Variants in ATRNL1 observed in about 807,000 individuals in gnomAD.
ATRNL1 encodes the protein attractin-like protein 1.
In ATRNL1, 95 loss-of-function variants were observed where a neutral mutation model predicts 182.7. The ratio of observed to expected loss-of-function variants is 0.52; its 90% CI spans 0.44 to 0.62. ATRNL1 has a LOEUF of 0.62. Among genes scored for constraint, ATRNL1 ranks in the 20% least tolerant of loss-of-function variants. The probability of loss-of-function intolerance (pLI) is 0.00; values close to 1 mark genes in which losing one functional copy is unlikely to be tolerated. For synonymous variants in ATRNL1, 576 were observed against 568.3 expected (o/e 1.01, Z -0.19); for missense variants, 1,471 against 1,679.5 (o/e 0.88, Z 2.17).
At chr10:115,639,905 T>A (rs1197138248) in intron 26 of ATRNL1, among the ~76,000 whole-genome samples, 1 of 152,116 alleles carries the variant, frequency 6.6e-6, no homozygotes, top group East Asian at 1.9e-4. Flanking sequence ...GTTGCGCCCA[T>A]CAACCGTCAT....
At chr10:115,249,487 T>C (rs1332801450) in intron 10 of ATRNL1, among the ~76,000 whole-genome samples, 2 of 152,020 alleles carry the variant, frequency 1.3e-5, no homozygotes, top group Non-Finnish European at 2.9e-5. Context: ...TCAGCTTGAG[T>C]TTTTAATGTA....
chr10:115,536,526 T>A, intron 25 of ATRNL1, among the ~76,000 whole-genome samples: 1 of 152,224 alleles, frequency 6.6e-6, no homozygotes, highest in East Asian at 1.9e-4. Flanking sequence ...CCCCTTTCTT[T>A]GACTAGGTAA....
intron 8 of ATRNL1, among the ~76,000 whole-genome samples, chr10:115,178,397 G>A (rs925733369): frequency 3.3e-5 from 5 of 152,266 alleles, no homozygotes; most frequent in Middle Eastern, 3.4e-3. Flanking sequence ...TTGTCACAGA[G>A]TGGAAGTGGC....
At chr10:115,352,750 A>C (rs1226082613) in intron 19 of ATRNL1, among the ~76,000 whole-genome samples, 1 of 152,150 alleles carries the variant, frequency 6.6e-6, no homozygotes, top group Non-Finnish European at 1.5e-5. Context: ...ATACAAAAAA[A>C]TTAGCTGAGG....
At chr10:115,806,992 A>G (rs1216100036) in intron 27 of ATRNL1, among the ~76,000 whole-genome samples, 1 of 152,126 alleles carries the variant, frequency 6.6e-6, no homozygotes, top group Non-Finnish European at 1.5e-5. Context: ...GTCAAATCTT[A>G]AGGTGACAAA....
At chr10:115,097,376 C>T (rs541589094) in intron 1 of ATRNL1, among the ~76,000 whole-genome samples, 1 of 152,158 alleles carries the variant, frequency 6.6e-6, no homozygotes, top group African/African-American at 2.4e-5. Context: ...GTCACAGCTA[C>T]AAGAGAGAGT....
chr10:115,550,237 G>GT (rs1852889062), intron 26 of ATRNL1, among the ~76,000 whole-genome samples: 1 of 151,492 alleles, frequency 6.6e-6, no homozygotes, highest in Admixed American at 6.6e-5. Context: ...ACTAGTTTCT[G>GT]TTTTTATCAG....
chr10:115,622,141 C>T (rs1214465340), intron 26 of ATRNL1, among the ~76,000 whole-genome samples: 1 of 152,064 alleles, frequency 6.6e-6, no homozygotes, highest in South Asian at 2.1e-4. Flanking sequence ...AGAGAGTCTC[C>T]GAAGACACTG....
chr10:115,324,882 G>A (rs1332809103), intron 18 of ATRNL1, among the ~76,000 whole-genome samples: 1 of 152,084 alleles, frequency 6.6e-6, no homozygotes, highest in Non-Finnish European at 1.5e-5. Flanking sequence ...TTGGTCGCTA[G>A]CTCAAATTTA....
chr10:115,405,965 A>C (rs1474354771), intron 20 of ATRNL1, among the ~76,000 whole-genome samples: 1 of 151,392 alleles, frequency 6.6e-6, no homozygotes, highest in African/African-American at 2.4e-5. Flanking sequence ...TCCTTGCAAT[A>C]GTTTGCTGAG....
chr10:115,208,403 A>G (rs1554894292), intron 8 of ATRNL1, among the ~76,000 whole-genome samples: 2 of 152,052 alleles, frequency 1.3e-5, no homozygotes, highest in Admixed American at 6.6e-5. Context: ...TTAGGCATGT[A>G]TATTTTAAAC....
At chr10:115,121,907 G>T in intron 3 of ATRNL1, 95 bp downstream of exon 3, 2 of 534,798 alleles carry the variant, frequency 3.7e-6, no homozygotes, top group Non-Finnish European at 6.6e-6. Context: ...ATTTAGTAAA[G>T]ATATTGATAG....
At chr10:115,293,194 T>G (rs1424801707) in intron 15 of ATRNL1, among the ~76,000 whole-genome samples, 1 of 152,128 alleles carries the variant, frequency 6.6e-6, no homozygotes, top group Non-Finnish European at 1.5e-5. Context: ...TGCTTTCTGT[T>G]TGCATGGAAT....
At chr10:115,721,100 T>G (rs1555057643) in intron 26 of ATRNL1, among the ~76,000 whole-genome samples, 1 of 152,116 alleles carries the variant, frequency 6.6e-6, no homozygotes. Flanking sequence ...CCTTTAGAGG[T>G]CTGTGATCTG....
At chr10:115,369,868 A>T (rs1857296944) in intron 19 of ATRNL1, among the ~76,000 whole-genome samples, 1 of 152,134 alleles carries the variant, frequency 6.6e-6, no homozygotes, top group South Asian at 2.1e-4. Context: ...ACCATTTTTT[A>T]ATCTTTTGAG....
chr10:115,127,670 AT>A lies in ATRNL1; in HGVS notation c.576del (p.Phe192LeufsTer8), dbSNP rs1554873914. 5 of 1,578,974 alleles carry A rather than the reference AT, an allele frequency of 3.2e-6. No individual in the cohort carries two copies. The highest frequency in any genetic ancestry group is 4.6e-5 in the East Asian group (2 of 43,354). ...ACTACATCTGGCTATGCACTGTTAC[AT>A]TTTTTTAGTGATGCTGCGTATAATC... ...VVTTSGYALLHFFSDAAYNLT... is the reference protein window; with the variant it reads ...VVTTSGYALLXFFSDAAYNLT... On this transcript the variant is annotated frameshift_variant, in exon 4 of 29. Transcript: ENST00000355044. LOFTEE classifies it high-confidence loss of function.
intron 21 of ATRNL1, among the ~76,000 whole-genome samples, chr10:115,455,930 A>G (rs1158143760): frequency 6.6e-6 from 1 of 152,160 alleles, no homozygotes; most frequent in African/African-American, 2.4e-5. Context: ...CAAAACCACA[A>G]TGAGACACCA....
intron 27 of ATRNL1, among the ~76,000 whole-genome samples, chr10:115,778,999 T>C (rs1949197467): frequency 6.6e-6 from 1 of 152,186 alleles, no homozygotes. Flanking sequence ...CAATACATGA[T>C]AATAATAAAA....
At chr10:115,366,298 T>C (rs1266700754) in intron 19 of ATRNL1, among the ~76,000 whole-genome samples, 1 of 151,880 alleles carries the variant, frequency 6.6e-6, no homozygotes, top group Non-Finnish European at 1.5e-5. Context: ...CTTTTGATCT[T>C]TGTTGGTTTA....
Sources: gnomAD v4.1 joint callset for allele counts (sites outside exome capture counted in the v4.1 genomes callset) on GRCh38, gnomAD v4.1.1 for gene constraint, MANE v1.5 for transcripts, NCBI Gene and HGNC (gene_info 2026-07-23, HGNC 2026-07-21) for gene names.